KCND3: variants seen among roughly 807,000 people sequenced by gnomAD.
The protein encoded by KCND3 is A-type voltage-gated potassium channel KCND3.
Under a neutral mutation model 51.1 loss-of-function variants are expected in KCND3, and 9 were observed. That is an observed-to-expected ratio of 0.18 (90% CI 0.11 to 0.31). KCND3 has a LOEUF of 0.31. Among genes scored for constraint, KCND3 ranks in the 10% least tolerant of loss-of-function variants. KCND3 has a pLI of 1.00. For synonymous variants in KCND3, 349 were observed against 368.0 expected (o/e 0.95, Z 0.59); for missense variants, 526 against 903.8 (o/e 0.58, Z 5.36).
intron 2 of KCND3, among the ~76,000 whole-genome samples, chr1:111,978,094 G>C (rs976464514): frequency 6.6e-6 from 1 of 152,180 alleles, no homozygotes; most frequent in Non-Finnish European, 1.5e-5. Context: ...GGCTGTTATT[G>C]TTCTTGTGTG....
Position 111,780,417 on chromosome 1 carries a change from ATTT to A in KCND3, c.1372-106_1372-104del, listed in dbSNP as rs72548727. 1.2e-5 allele frequency: 14 copies of A among 1,171,638 alleles called. No individual in the cohort carries two copies. The East Asian group carries it at 2.8e-4, about 24-fold the overall frequency. The allele number at this position is 1,171,638 out of a possible 1,614,324, so 72.6% of individuals were successfully genotyped here. A position where few individuals can be genotyped will look rare whatever the true frequency, so the allele number is the denominator to read the frequency against. Reference sequence around the variant, plus strand: ...GGTCAAAGGGCAATAGAATAATCAAATTTTTTTTTATTTGACCAAATTTCAGGG... The same window carrying A: ...GGTCAAAGGGCAATAGAATAATCAAATTTTTTATTTGACCAAATTTCAGGG... On this transcript the variant is annotated intron_variant, in intron 4 of 7. Coordinates refer to ENST00000302127, the MANE Select transcript of KCND3 (RefSeq NM_001378969.1). This position sits in a 1 kb window ranked among gnomAD's most constrained non-coding sequence, Gnocchi z 4.2.
intron 1 of KCND3, among the ~76,000 whole-genome samples, chr1:111,985,324 T>A (rs994891295): frequency 6.6e-6 from 1 of 152,104 alleles, no homozygotes; most frequent in African/African-American, 2.4e-5. Context: ...AAAAGAAAGA[T>A]GAAGCATAAG....
At chr1:111,963,643 G>T (rs1369808739) in intron 2 of KCND3, among the ~76,000 whole-genome samples, 1 of 152,210 alleles carries the variant, frequency 6.6e-6, no homozygotes, top group Non-Finnish European at 1.5e-5. Flanking sequence ...ATGGAGGAAG[G>T]GGGCTGACTA....
At chr1:111,926,192 C>T (rs12119724) in intron 2 of KCND3, among the ~76,000 whole-genome samples, 39,044 of 151,940 alleles carry the variant, frequency 0.26, 5,547 homozygotes, top group East Asian at 0.48. Flanking sequence ...GACATTAGTT[C>T]CCATGGCATA....
At chr1:111,800,552 TAA>T (rs71580591) in intron 2 of KCND3, among the ~76,000 whole-genome samples, 23,592 of 126,134 alleles carry the variant, frequency 0.19, 1,972 homozygotes, top group Admixed American at 0.24. Context: ...AAAATAAATT[TAA>T]AAAAAAAAAA....
At chr1:111,878,823 C>T (rs1669176494) in intron 2 of KCND3, among the ~76,000 whole-genome samples, 2 of 152,174 alleles carry the variant, frequency 1.3e-5, no homozygotes, top group South Asian at 2.1e-4. Flanking sequence ...ACAGGGTGCC[C>T]AGGTATTTGT....
chr1:111,837,062 G>T (rs967825554), intron 2 of KCND3, among the ~76,000 whole-genome samples: 1 of 152,158 alleles, frequency 6.6e-6, no homozygotes, highest in African/African-American at 2.4e-5. Context: ...ATTTCCATAT[G>T]TATTAAGTCA....
chr1:111,941,471 T>TA (rs769224055), intron 2 of KCND3, among the ~76,000 whole-genome samples: 1 of 152,222 alleles, frequency 6.6e-6, no homozygotes, highest in Non-Finnish European at 1.5e-5. Context: ...CTGGGGTTTT[T>TA]ATCACAGAAA....
At chr1:111,956,375 G>T (rs1253159345) in intron 2 of KCND3, among the ~76,000 whole-genome samples, 1 of 152,198 alleles carries the variant, frequency 6.6e-6, no homozygotes, top group Non-Finnish European at 1.5e-5. Flanking sequence ...AAGAGCCCAT[G>T]GCAGCAGCTG....
At chr1:111,939,778 C>T (rs1158765164) in intron 2 of KCND3, among the ~76,000 whole-genome samples, 2 of 152,184 alleles carry the variant, frequency 1.3e-5, no homozygotes, top group Non-Finnish European at 2.9e-5. Flanking sequence ...ATTTCTGGTT[C>T]TAGATCCTTG....
At chr1:111,969,701 G>A (rs551656618) in intron 2 of KCND3, among the ~76,000 whole-genome samples, 3 of 152,268 alleles carry the variant, frequency 2.0e-5, no homozygotes, top group Admixed American at 6.5e-5. Flanking sequence ...CACATGTCAG[G>A]GTGAACCTAT....
At chr1:111,925,149 TG>T (rs1349917596) in intron 2 of KCND3, among the ~76,000 whole-genome samples, 2 of 152,240 alleles carry the variant, frequency 1.3e-5, no homozygotes, top group Non-Finnish European at 2.9e-5. Context: ...ACACCTAGGC[TG>T]CCCATGGCCC....
intron 2 of KCND3, among the ~76,000 whole-genome samples, chr1:111,927,509 C>G (rs1190854213): frequency 6.6e-6 from 1 of 152,256 alleles, no homozygotes; most frequent in Non-Finnish European, 1.5e-5. Context: ...GACTGCATTA[C>G]AGGTGAAAGG....
chr1:111,974,827 G>C (rs552734067), intron 2 of KCND3, among the ~76,000 whole-genome samples: 1 of 152,308 alleles, frequency 6.6e-6, no homozygotes, highest in South Asian at 2.1e-4. Context: ...GATTGATTTT[G>C]AGGGATTCCA....
chr1:111,868,557 G>A (rs978894040), intron 2 of KCND3, among the ~76,000 whole-genome samples: 1 of 152,110 alleles, frequency 6.6e-6, no homozygotes, highest in Non-Finnish European at 1.5e-5. Context: ...ATGGGCATGG[G>A]GGGGACTACC....
chr1:111,790,903 C>A (rs1181783482), intron 2 of KCND3, among the ~76,000 whole-genome samples: 1 of 152,230 alleles, frequency 6.6e-6, no homozygotes, highest in Non-Finnish European at 1.5e-5. Context: ...TATCAGTACT[C>A]CATTCCTTTT....
intron 2 of KCND3, among the ~76,000 whole-genome samples, chr1:111,980,164 A>C (rs1407731818): frequency 6.6e-6 from 1 of 151,868 alleles, no homozygotes; most frequent in African/African-American, 2.4e-5. Context: ...TCAAATGACC[A>C]AACATTCTTA....
At chr1:111,952,363 T>C (rs569834207) in intron 2 of KCND3, among the ~76,000 whole-genome samples, 5 of 152,166 alleles carry the variant, frequency 3.3e-5, no homozygotes, top group Non-Finnish European at 7.4e-5. Flanking sequence ...ACCCTCCTTC[T>C]GCCTCACACT....
At chr1:111,885,848 T>C (rs975041973) in intron 2 of KCND3, among the ~76,000 whole-genome samples, 3 of 151,992 alleles carry the variant, frequency 2.0e-5, no homozygotes, top group African/African-American at 7.3e-5. Context: ...AATTTTTATA[T>C]TTTTAGTAGA....
Sources: allele counts gnomAD v4.1 joint callset (sites outside exome capture counted in the v4.1 genomes callset), GRCh38; gene constraint gnomAD v4.1.1; non-coding constraint Gnocchi (gnomAD v3.1); transcripts MANE v1.5; gene names NCBI Gene and HGNC (gene_info 2026-07-23, HGNC 2026-07-21).